Variants in PPP4R3A observed in about 807,000 individuals in gnomAD.
PPP4R3A encodes serine/threonine-protein phosphatase 4 regulatory subunit 3A.
PPP4R3A carries 15 observed loss-of-function variants against 91.7 expected under a neutral mutation model. The observed-to-expected ratio is 0.16, with a 90% CI of 0.11 to 0.25. The LOEUF is 0.25. Ranked by LOEUF, PPP4R3A falls within the 10% of genes least tolerant of loss-of-function variation. PPP4R3A has a pLI of 1.00. For missense variants in PPP4R3A, 623 were observed against 998.4 expected (o/e 0.62, Z 5.07); for synonymous variants, 377 against 348.7 (o/e 1.08, Z -0.91).
chr14:91,507,371 A>C, intron 1 of PPP4R3A, among the ~76,000 whole-genome samples: 1 of 74,422 alleles, frequency 1.3e-5, no homozygotes, highest in South Asian at 3.8e-4. Context: ...TATATACTAT[A>C]ATTATATATA....
At chr14:91,477,533 T>C (rs1035135882) in intron 4 of PPP4R3A, among the ~76,000 whole-genome samples, 1 of 152,186 alleles carries the variant, frequency 6.6e-6, no homozygotes, top group Admixed American at 6.5e-5. Context: ...TACTTCCTCA[T>C]TTTATAATTG....
chr14:91,459,110 A>T (rs1430552052), intron 14 of PPP4R3A, among the ~76,000 whole-genome samples: 6 of 150,828 alleles, frequency 4.0e-5, no homozygotes, highest in East Asian at 1.9e-4. Context: ...TAAAGCAAAA[A>T]TTTTTTTTTT....
chr14:91,486,249 T>G (rs960607506), intron 2 of PPP4R3A, among the ~76,000 whole-genome samples: 11 of 146,456 alleles, frequency 7.5e-5, no homozygotes, highest in African/African-American at 2.3e-4. Flanking sequence ...TAGGTTTTTT[T>G]GTTTTTTTTT....
At chr14:91,473,174 C>T in intron 8 of PPP4R3A, 39 bp from the exon 9 acceptor site, 1 of 1,613,190 alleles carries the variant, frequency 6.2e-7, no homozygotes, top group Non-Finnish European at 8.5e-7. Flanking sequence ...TTTAACCACA[C>T]TGGTTCCTAC....
Position 91,481,688 on chromosome 14 carries a change from T to C in PPP4R3A, c.803A>G (p.Gln268Arg). ...TGGTAGAACCATATCTTGTATATAC[T>C]GAACTCTGTATGTCTGATGAATTTT... ...KQKIHQTYRV[Q>R]YIQDMVLPTP... The change falls in exon 4 of 15, where the codon CAG (glutamine) becomes CGG (arginine). Residue 268 changes from glutamine to arginine, a missense_variant. By Grantham distance (43) the Gln-to-Arg change is conservative. Around this residue, in one of 5 missense-constraint regions of PPP4R3A, gnomAD observed 264 missense variants for 377.3 expected, o/e 0.70. Coordinates refer to ENST00000554943, the MANE Select transcript of PPP4R3A (RefSeq NM_001366432.2). 1 of 1,614,136 alleles carries C rather than the reference T, an allele frequency of 6.2e-7. No homozygotes were observed. Among genetic ancestry groups the C allele is most frequent in the South Asian group, 1.1e-5 (1 of 91,076 alleles).
rs528924472 is a variant in PPP4R3A, at chr14:91,476,587, C to T, written c.994-63G>A. 2.9e-4 allele frequency: 354 copies of T among 1,223,212 alleles called. 2 individuals carry two copies. The African/African-American group carries it at 4.6e-3, about 16-fold the overall frequency. 75.8% of individuals were successfully genotyped at this position (1,223,212 alleles called of 1,614,324 possible). A position where few individuals can be genotyped will look rare whatever the true frequency, so the allele number is the denominator to read the frequency against. ...TATTTTATTTATTTATTTATTGAGA[C>T]GGAGTCTTGCTCTTGTTGCCGACGC... On this transcript the variant is annotated intron_variant, in intron 5 of 14. Transcript: ENST00000554943.
At chr14:91,460,498 T>C (rs1888064324) in intron 14 of PPP4R3A, among the ~76,000 whole-genome samples, 1 of 152,030 alleles carries the variant, frequency 6.6e-6, no homozygotes, top group African/African-American at 2.4e-5. Context: ...CAAATGCCAG[T>C]CTTTTAACTG....
At chr14:91,471,018 A>G in intron 9 of PPP4R3A, 23 bp from the exon 10 acceptor site, 1 of 1,557,080 alleles carries the variant, frequency 6.4e-7, no homozygotes, top group Non-Finnish European at 8.6e-7. Context: ...AAACACAACT[A>G]ATTATATTTA....
intron 7 of PPP4R3A, among the ~76,000 whole-genome samples, chr14:91,474,206 G>A (rs1889027132): frequency 6.6e-6 from 1 of 152,212 alleles, no homozygotes; most frequent in African/African-American, 2.4e-5. Flanking sequence ...GAGAAAATGA[G>A]ACTATGGTAT....
intron 9 of PPP4R3A, 48 bp from the exon 10 acceptor site, chr14:91,471,043 T>A (rs752241117): frequency 6.0e-6 from 9 of 1,512,266 alleles, no homozygotes; most frequent in African/African-American, 1.4e-5. Flanking sequence ...CTAACATTTT[T>A]CCTTCTAAAA....
In PPP4R3A at chr14:91,496,425, C is replaced by T. The variant is rs1035575038; in HGVS notation, c.143-5623G>A. Among the ~76,000 whole-genome samples the T allele has an allele frequency of 4.6e-5, 7 of 152,102 alleles. No individual in the cohort carries two copies. In the South Asian group the frequency reaches 6.2e-4, roughly 13 times the overall value. ...TTTACAGTCACTAAAACAAAAAACACGGCAGTGCAGTGGTATGACATTGTC... is the reference window on the plus strand; with the variant it reads ...TTTACAGTCACTAAAACAAAAAACATGGCAGTGCAGTGGTATGACATTGTC... On this transcript the variant is annotated intron_variant, in intron 1 of 14. Transcript: ENST00000554943.
chr14:91,486,308 C>T (rs1299037184), intron 2 of PPP4R3A, among the ~76,000 whole-genome samples: 1 of 151,572 alleles, frequency 6.6e-6, no homozygotes, highest in Non-Finnish European at 1.5e-5. Flanking sequence ...ACTCCTAGCA[C>T]CTACCACCCT....
intron 1 of PPP4R3A, among the ~76,000 whole-genome samples, chr14:91,508,646 C>T (rs1162446540): frequency 6.6e-6 from 1 of 152,080 alleles, no homozygotes; most frequent in African/African-American, 2.4e-5. Flanking sequence ...TATGAAACAG[C>T]ACATGTGGAA....
intron 1 of PPP4R3A, among the ~76,000 whole-genome samples, chr14:91,507,394 T>TACTATATA (rs1566660222): frequency 1.7e-5 from 1 of 59,668 alleles, no homozygotes; most frequent in African/African-American, 5.3e-5. Flanking sequence ...ATATAGTATA[T>TACTATATA]GTACTATAAT....
chr14:91,490,149 C>T (rs886168163), intron 2 of PPP4R3A, among the ~76,000 whole-genome samples: 3 of 152,112 alleles, frequency 2.0e-5, no homozygotes, highest in Non-Finnish European at 2.9e-5. Flanking sequence ...AGCGCACGCG[C>T]GTGTGTACTG....
chr14:91,463,668 G>GCCTAAAGCAATCCTCCCA (rs1359431073), intron 11 of PPP4R3A, among the ~76,000 whole-genome samples: 3 of 151,154 alleles, frequency 2.0e-5, no homozygotes, highest in Non-Finnish European at 4.4e-5. Flanking sequence ...CTAACTCCTG[G>GCCTAAAGCAATCCTCCCA]CCTAAAGCAA....
intron 9 of PPP4R3A, among the ~76,000 whole-genome samples, chr14:91,472,203 G>A (rs1888888926): frequency 6.6e-6 from 1 of 151,402 alleles, no homozygotes; most frequent in South Asian, 2.1e-4. Flanking sequence ...AAGCTCTAAT[G>A]AATATAATAC....
intron 1 of PPP4R3A, among the ~76,000 whole-genome samples, chr14:91,497,927 C>T (rs1325337314): frequency 6.6e-6 from 1 of 152,232 alleles, no homozygotes; most frequent in African/African-American, 2.4e-5. Flanking sequence ...TACAAGGTTA[C>T]ATGCCTTTTC....
Position 91,509,517 on chromosome 14 carries a change from G to T in PPP4R3A, c.131C>A (p.Ala44Asp). The change falls in exon 1 of 15, where the codon GCT becomes GAT. Residue 44 changes from alanine (A) to aspartate (D), a missense_variant. Transcript: ENST00000554943. ...RLKGMSLLVR[A>D]ESDGSLLLES... ...GGGGCTTCACTTACCGTCGCTCTCA[G>T]CCCTGACAAGCAGGGACATGCCCTT... 1 of 1,593,746 alleles carries T rather than the reference G, an allele frequency of 6.3e-7. No individual in the cohort carries two copies. Among genetic ancestry groups the T allele is most frequent in the Non-Finnish European group, 8.5e-7 (1 of 1,175,514 alleles).
Sources: gnomAD v4.1 joint callset for allele counts (sites outside exome capture counted in the v4.1 genomes callset) on GRCh38, gnomAD v4.1.1 for gene constraint, gnomAD v4.1.1 regional missense constraint, MANE v1.5 for transcripts, NCBI Gene and HGNC (gene_info 2026-07-23, HGNC 2026-07-21) for gene names.